The following CPT1A variants were observed in gnomAD, a reference collection of about 807,000 sequenced individuals.
The protein encoded by CPT1A is carnitine O-palmitoyltransferase 1, liver isoform.
CPT1A carries 64 observed loss-of-function variants against 100.8 expected under a neutral mutation model. The ratio of observed to expected loss-of-function variants is 0.63; its 90% CI spans 0.52 to 0.78. CPT1A has a LOEUF of 0.78. Ranked by LOEUF, CPT1A falls within the 30% of genes least tolerant of loss-of-function variation. CPT1A has a pLI of 0.00. For synonymous variants in CPT1A, 363 were observed against 396.0 expected, an observed-to-expected ratio of 0.92 and a Z score of 0.99; for missense variants, 802 against 1,034.1, an observed-to-expected ratio of 0.78 and a Z score of 3.08.
At chr11:68,835,629 G>A (rs188660314) in intron 1 of CPT1A, among the ~76,000 whole-genome samples, 1 of 152,154 alleles carries the variant, frequency 6.6e-6, no homozygotes, top group Non-Finnish European at 1.5e-5. Context: ...GACAGGTTCA[G>A]ACCCACCACC....
chr11:68,796,989 C>A, intron 6 of CPT1A, 56 bp from the exon 7 acceptor site: 2 of 1,578,004 alleles, frequency 1.3e-6, no homozygotes, highest in Non-Finnish European at 1.7e-6. Flanking sequence ...CAGGCAGGCT[C>A]CCTGGCAGCA....
At chr11:68,759,814 G>A (rs1259537648) in intron 17 of CPT1A, among the ~76,000 whole-genome samples, 153 bp from the exon 18 acceptor site, 1 of 152,034 alleles carries the variant, frequency 6.6e-6, no homozygotes, top group Non-Finnish European at 1.5e-5. Context: ...GGTCACTTGA[G>A]CCCAGGGGTT....
At chr11:68,799,768 G>A (rs1855854888) in intron 5 of CPT1A, among the ~76,000 whole-genome samples, 2 of 150,928 alleles carry the variant, frequency 1.3e-5, no homozygotes, top group Admixed American at 6.6e-5. Context: ...AAAAAAAAAA[G>A]AAAAAGTTTA....
chr11:68,797,960 G>C (rs773633969), intron 6 of CPT1A, among the ~76,000 whole-genome samples: 2 of 152,170 alleles, frequency 1.3e-5, no homozygotes, highest in Admixed American at 6.5e-5. Context: ...CCTGGGTGAC[G>C]AGCGAGACTT....
rs183694834 is a variant in CPT1A at position 68,807,458 on chromosome 11, C to T, written c.453+9G>A. ...CACCCCCTCCACAGCCAGAGGGACA[C>T]GCAATTACCATCCAGATCTTGGTGG... On this transcript the variant is annotated intron_variant, in intron 4 of 18. Coordinates refer to ENST00000265641, the MANE Select transcript of CPT1A (RefSeq NM_001876.4). 1.6e-4 allele frequency: 251 copies of T among 1,613,348 alleles called. No homozygotes were observed. In the African/African-American group the frequency reaches 2.3e-3, roughly 15 times the overall value.
At chr11:68,832,463 C>T (rs1302644805) in intron 1 of CPT1A, among the ~76,000 whole-genome samples, 1 of 152,030 alleles carries the variant, frequency 6.6e-6, no homozygotes, top group Admixed American at 6.6e-5. Flanking sequence ...AACAAACAAA[C>T]AAACAAACAA....
chr11:68,809,292 T>C (rs916611764), intron 3 of CPT1A, among the ~76,000 whole-genome samples: 4 of 152,164 alleles, frequency 2.6e-5, no homozygotes, highest in Non-Finnish European at 5.9e-5. Flanking sequence ...GAAAAAGACC[T>C]ATATACTTAC....
chr11:68,813,875 T>C (rs1241176119), intron 2 of CPT1A, among the ~76,000 whole-genome samples: 1 of 151,806 alleles, frequency 6.6e-6, no homozygotes, highest in Non-Finnish European at 1.5e-5. Context: ...CCTTGGTGGG[T>C]TATTTATCTG....
At chr11:68,810,416 C>A (rs1030306030) in intron 3 of CPT1A, among the ~76,000 whole-genome samples, 1 of 152,176 alleles carries the variant, frequency 6.6e-6, no homozygotes, top group Non-Finnish European at 1.5e-5. Flanking sequence ...CCCAGCCAGG[C>A]ATGCTTCTGC....
intron 14 of CPT1A, among the ~76,000 whole-genome samples, chr11:68,767,672 T>G (rs1854847700): frequency 6.6e-6 from 1 of 152,142 alleles, no homozygotes; most frequent in East Asian, 1.9e-4. Context: ...CCTATTTTAA[T>G]TTAGTATCAT....
At position 68,757,469 on chromosome 11, in the gene CPT1A, C is replaced by T; in HGVS notation, c.*175G>A. ...CAAGTCTGGAAGTAGTGGGGTTATG[C>T]TTCACAGGGGAGAGATACTGTTCTA... On this transcript the variant is annotated 3_prime_UTR_variant, in exon 19 of 19. Coordinates refer to ENST00000265641, the MANE Select transcript of CPT1A (RefSeq NM_001876.4). The T allele has an allele frequency of 2.0e-6, 3 of 1,478,154 alleles. No individual in the cohort carries two copies. The highest frequency in any genetic ancestry group is 2.7e-6 in the Non-Finnish European group (3 of 1,119,622). The allele number at this position is 1,478,154 out of a possible 1,614,324, so 91.6% of individuals were successfully genotyped here. A position where few individuals can be genotyped will look rare whatever the true frequency, so the allele number is the denominator to read the frequency against.
intron 2 of CPT1A, 36 bp from the exon 3 acceptor site, chr11:68,812,612 C>T: frequency 6.2e-7 from 1 of 1,612,510 alleles, no homozygotes; most frequent in Non-Finnish European, 8.5e-7. Context: ...GCGGTGTCCT[C>T]CCACAACCCA....
intron 12 of CPT1A, among the ~76,000 whole-genome samples, chr11:68,776,390 C>A (rs1337073699): frequency 6.6e-6 from 1 of 152,024 alleles, no homozygotes; most frequent in Non-Finnish European, 1.5e-5. Context: ...CAGAGCAAGA[C>A]CCTGTCTCTA....
At chr11:68,830,387 G>A (rs1295288642) in intron 1 of CPT1A, among the ~76,000 whole-genome samples, 2 of 152,170 alleles carry the variant, frequency 1.3e-5, no homozygotes, top group African/African-American at 2.4e-5. Flanking sequence ...CGGAGCACAC[G>A]GGGTGCCCAC....
rs1473040526 is a variant in CPT1A at position 68,824,265 on chromosome 11, A to C, written c.-13-8778T>G. Among the ~76,000 whole-genome samples, 7 of 150,906 alleles carry C rather than the reference A, an allele frequency of 4.6e-5. No individual in the cohort carries two copies. The South Asian group carries it at 1.5e-3, about 31-fold the overall frequency. On this transcript the variant is annotated intron_variant, in intron 1 of 18. Coordinates refer to ENST00000265641, the MANE Select transcript of CPT1A (RefSeq NM_001876.4). ...CTCCATCTCAAAAAAAAAAAAAAAA[A>C]AGAGAAAAAAGATGGAAATAACAGA... is the stretch of plus-strand genomic sequence containing the variant.
intron 1 of CPT1A, chr11:68,818,469 C>T (rs1302595423): frequency 6.6e-6 from 1 of 152,270 alleles, no homozygotes; most frequent in East Asian, 1.9e-4. Flanking sequence ...AGCACAGAAC[C>T]TGCCAGCTCT....
intron 4 of CPT1A, 149 bp downstream of exon 4, chr11:68,807,318 A>G (rs1025643322): frequency 7.4e-6 from 6 of 805,786 alleles, no homozygotes; most frequent in Non-Finnish European, 1.3e-5. Flanking sequence ...TGGTGACTCA[A>G]ACCTCTCCAG....
chr11:68,782,309 C>G (rs904544904), intron 10 of CPT1A, among the ~76,000 whole-genome samples: 2 of 152,182 alleles, frequency 1.3e-5, no homozygotes, highest in African/African-American at 4.8e-5. Context: ...CAGGAACCAC[C>G]CTAGGTAAGT....
At chr11:68,784,355 G>GTT (rs747717060) in intron 10 of CPT1A, among the ~76,000 whole-genome samples, 1 of 152,198 alleles carries the variant, frequency 6.6e-6, no homozygotes, top group Non-Finnish European at 1.5e-5. Flanking sequence ...GAGGTCAGGA[G>GTT]TTTGAGACCA....
Sources: allele counts gnomAD v4.1 joint callset (sites outside exome capture counted in the v4.1 genomes callset), GRCh38; gene constraint gnomAD v4.1.1; transcripts MANE v1.5; gene names NCBI Gene and HGNC (gene_info 2026-07-23, HGNC 2026-07-21).